The following CORIN variants were observed in gnomAD, a reference collection of about 807,000 sequenced individuals.
CORIN encodes the protein corin, serine peptidase, also known as atrial natriuretic peptide-converting enzyme.
Under a neutral mutation model 125.3 loss-of-function variants are expected in CORIN, and 117 were observed. That is an observed-to-expected ratio of 0.93 (90% CI 0.80 to 1.09). The LOEUF is 1.09. Ranked by LOEUF, CORIN falls within the 50% of genes least tolerant of loss-of-function variation. CORIN has a pLI of 0.00. For missense variants in CORIN, 1,253 were observed against 1,306.7 expected, an observed-to-expected ratio of 0.96 and a Z score of 0.63; for synonymous variants, 450 against 466.4, an observed-to-expected ratio of 0.96 and a Z score of 0.45.
At chr4:47,744,378 A>C in intron 5 of CORIN, 24 bp downstream of exon 5, 1 of 1,603,488 alleles carries the variant, frequency 6.2e-7, no homozygotes, top group Non-Finnish European at 8.5e-7. Context: ...TCTTCTAAAA[A>C]TGAAATGAAA....
At chr4:47,763,338 T>C in intron 4 of CORIN, 41 bp downstream of exon 4, 4 of 1,530,790 alleles carry the variant, frequency 2.6e-6, no homozygotes, top group Non-Finnish European at 3.6e-6. Flanking sequence ...ACTTCTGCTA[T>C]AACCAACTCT....
chr4:47,783,064 T>C (rs1408244348), intron 3 of CORIN, among the ~76,000 whole-genome samples: 1 of 152,130 alleles, frequency 6.6e-6, no homozygotes, highest in Non-Finnish European at 1.5e-5. Context: ...TTTACTCTCT[T>C]GTCACTTTAA....
At chr4:47,683,423 C>G (rs531441652) in intron 7 of CORIN, 3 of 225,606 alleles carry the variant, frequency 1.3e-5, no homozygotes, top group African/African-American at 7.0e-5. Context: ...GCCACTGGCT[C>G]TAACCAGAGG....
intron 14 of CORIN, among the ~76,000 whole-genome samples, chr4:47,643,866 G>C (rs138426456): frequency 1.6e-3 from 238 of 152,240 alleles, no homozygotes; most frequent in African/African-American, 5.5e-3. Context: ...GCTGGGCATG[G>C]CATTTTTCTG....
rs77167220 is a variant in CORIN at position 47,744,586 on chromosome 4, A to C, written c.618-3T>G. ...ACCTACAGGGCAGGAGTCCATGACT[A>C]AAAAAAAAAAAAGAGAAAGGTGAAA... On this transcript the variant is annotated splice_region_variant and splice_polypyrimidine_tract_variant and intron_variant, in intron 4 of 21. Transcript: ENST00000273857. 2.5e-5 allele frequency: 7 copies of C among 279,590 alleles called. No homozygotes were observed. The highest frequency in any genetic ancestry group is 7.2e-5 in the African/African-American group (3 of 41,506). 17.3% of individuals were successfully genotyped at this position (279,590 alleles called of 1,614,324 possible).
At chr4:47,723,840 C>T (rs1416682201) in intron 5 of CORIN, among the ~76,000 whole-genome samples, 1 of 151,570 alleles carries the variant, frequency 6.6e-6, no homozygotes, top group Non-Finnish European at 1.5e-5. Flanking sequence ...ACTAAAAATA[C>T]AAAAAATTAG....
chr4:47,654,479 G>T (rs377191698), intron 12 of CORIN, among the ~76,000 whole-genome samples: 1 of 152,112 alleles, frequency 6.6e-6, no homozygotes, highest in African/African-American at 2.4e-5. Context: ...CCATTCCCCA[G>T]CAAGAGCTGC....
At chr4:47,789,165 A>G (rs1185540410) in intron 2 of CORIN, among the ~76,000 whole-genome samples, 2 of 152,036 alleles carry the variant, frequency 1.3e-5, no homozygotes, top group South Asian at 2.1e-4. Context: ...TTAGCTGGGC[A>G]TGGTGGCGGG....
chr4:47,654,789 T>C (rs1246728846), intron 12 of CORIN, among the ~76,000 whole-genome samples: 2 of 152,024 alleles, frequency 1.3e-5, no homozygotes, highest in Non-Finnish European at 2.9e-5. Flanking sequence ...GTGCTGGGCT[T>C]GGAGACAGTG....
chr4:47,827,318 T>TA (rs903203470), intron 1 of CORIN, among the ~76,000 whole-genome samples: 7 of 152,024 alleles, frequency 4.6e-5, no homozygotes, highest in African/African-American at 1.4e-4. Context: ...AGCGTAACAA[T>TA]AAAAAAAATA....
intron 1 of CORIN, among the ~76,000 whole-genome samples, chr4:47,835,104 A>T (rs762637366): frequency 6.6e-5 from 10 of 152,204 alleles, no homozygotes; most frequent in Non-Finnish European, 1.5e-4. Flanking sequence ...AAACAAGTGT[A>T]TTATGTCTGT....
At chr4:47,727,612 C>T (rs573027899) in intron 5 of CORIN, among the ~76,000 whole-genome samples, 1 of 151,774 alleles carries the variant, frequency 6.6e-6, no homozygotes, top group Non-Finnish European at 1.5e-5. Flanking sequence ...ATAATCTAAG[C>T]ATTAAAAAGA....
intron 3 of CORIN, among the ~76,000 whole-genome samples, chr4:47,771,838 CAT>C (rs2109887543): frequency 6.6e-6 from 1 of 152,248 alleles, no homozygotes; most frequent in Non-Finnish European, 1.5e-5. Context: ...TCTTTACAGA[CAT>C]AGTGAAGGCA....
At chr4:47,698,103 A>G (rs1726111131) in intron 5 of CORIN, among the ~76,000 whole-genome samples, 1 of 151,876 alleles carries the variant, frequency 6.6e-6, no homozygotes, top group South Asian at 2.1e-4. Flanking sequence ...TGAATACAGA[A>G]TAGCTCCCTT....
intron 4 of CORIN, among the ~76,000 whole-genome samples, chr4:47,757,900 A>G (rs147038509): frequency 0.14 from 19,482 of 144,184 alleles, 1,621 homozygotes; most frequent in East Asian, 0.28. Flanking sequence ...ATATATATAT[A>G]TATATACACA....
Position 47,603,549 on chromosome 4 carries a change from G to A in CORIN, c.2660C>T (p.Ala887Val). 4 of 1,614,170 alleles carry A rather than the reference G, an allele frequency of 2.5e-6. No homozygotes were observed. Among genetic ancestry groups the A allele is most frequent in the Non-Finnish European group, 3.4e-6 (4 of 1,180,042 alleles). The change falls in exon 20 of 22, where the codon GCA (alanine) becomes GTA (valine). Residue 887 changes from alanine (A) to valine (V), a missense_variant. Transcript: ENST00000273857. ...GATGCTGATGTCATAGTCCACCACT[G>A]CTCGACTGTAGCGGGGATGCAGGAT... Reference protein sequence around the residue: ...TIILHPRYSRAVVDYDISIVE... With the variant: ...TIILHPRYSRVVVDYDISIVE...
chr4:47,797,280 A>G (rs1466045206), intron 2 of CORIN, among the ~76,000 whole-genome samples: 1 of 150,152 alleles, frequency 6.7e-6, no homozygotes, highest in Non-Finnish European at 1.5e-5. Flanking sequence ...TTATATATGT[A>G]TATGTAAAAT....
chr4:47,757,905 T>TATACAC (rs1471519610), intron 4 of CORIN, among the ~76,000 whole-genome samples: 8 of 141,688 alleles, frequency 5.6e-5, no homozygotes, highest in African/African-American at 2.1e-4. Context: ...TATATATATA[T>TATACAC]ACACAAATAT....
rs188237070 is a variant in CORIN at position 47,727,392 on chromosome 4, A to G, written c.799+17010T>C. ...TCAAAGAAAATAAACTGCATCTAAT[A>G]CATCAAGATATGGAATTCTAATATG... On this transcript the variant is annotated intron_variant, in intron 5 of 21. Transcript: ENST00000273857. 2.4e-3 allele frequency among the ~76,000 whole-genome samples: 369 copies of G among 152,262 alleles called. 1 individual carries two copies. Among genetic ancestry groups the G allele is most frequent in the Non-Finnish European group, 4.1e-3 (278 of 67,944 alleles).
Sources: allele counts gnomAD v4.1 joint callset (sites outside exome capture counted in the v4.1 genomes callset), GRCh38; gene constraint gnomAD v4.1.1; transcripts MANE v1.5; gene names NCBI Gene and HGNC (gene_info 2026-07-23, HGNC 2026-07-21).